The following SLC8A3 variants were observed in gnomAD, a reference collection of about 807,000 sequenced individuals.
SLC8A3 encodes sodium/calcium exchanger 3.
In SLC8A3, 37 loss-of-function variants were observed where a neutral mutation model predicts 65.4. The ratio of observed to expected loss-of-function variants is 0.57; its 90% CI spans 0.44 to 0.74. The LOEUF is 0.74. SLC8A3 is among the 30% of genes least tolerant of loss of function. The probability of loss-of-function intolerance (pLI) is 0.00; values close to 1 mark genes in which losing one functional copy is unlikely to be tolerated. For missense variants in SLC8A3, 1,112 were observed against 1,172.1 expected, an observed-to-expected ratio of 0.95 and a Z score of 0.75; for synonymous variants, 461 against 444.5, an observed-to-expected ratio of 1.04 and a Z score of -0.47.
At position 70,051,062 on chromosome 14, in the gene SLC8A3, C is replaced by A. The variant is rs571520320; in HGVS notation, c.2059G>T (p.Val687Leu). The part of the protein sequence containing the change: ...LIKKTNLALV[V>L]GTHSWRDQFM... ...TGGTCCCTCCAGGAATGGGTCCCCA[C>A]AACCAAGGCCAGGTTTGTCTTCTTG... The change falls in exon 5 of 7, where the codon GTG becomes TTG. Residue 687 changes from valine to leucine, a missense_variant. Coordinates refer to ENST00000356921, the MANE Select transcript of SLC8A3 (RefSeq NM_182932.3). The A allele has an allele frequency of 1.2e-6, 2 of 1,613,810 alleles. No homozygotes were observed. Among genetic ancestry groups the A allele is most frequent in the East Asian group, 2.2e-5 (1 of 44,876 alleles).
intron 2 of SLC8A3, among the ~76,000 whole-genome samples, chr14:70,118,569 A>G (rs1893816560): frequency 6.6e-6 from 1 of 152,232 alleles, no homozygotes; most frequent in Non-Finnish European, 1.5e-5. Flanking sequence ...ATTCATTCCC[A>G]AGAAAGAATG....
chr14:70,088,454 C>T lies in SLC8A3; in HGVS notation c.1785-27515G>A, dbSNP rs1398542160. The stretch of plus-strand genomic sequence containing the variant: ...TGCTACTCTCAGGTAACGGCTCCTT[C>T]CCCATCAGGCTATCAATGCTTCTCC... On this transcript the variant is annotated intron_variant, in intron 2 of 6. Transcript: ENST00000356921. 2.6e-5 allele frequency among the ~76,000 whole-genome samples: 4 copies of T among 152,154 alleles called. No homozygotes were observed. The East Asian group carries it at 5.8e-4, about 22-fold the overall frequency.
chr14:70,076,906 G>A (rs573364271), intron 2 of SLC8A3, among the ~76,000 whole-genome samples: 3 of 152,296 alleles, frequency 2.0e-5, no homozygotes, highest in South Asian at 2.1e-4. Flanking sequence ...TCTGGAGGCA[G>A]TAATTATGTT....
intron 1 of SLC8A3, among the ~76,000 whole-genome samples, chr14:70,186,687 A>G (rs1021835575): frequency 4.6e-5 from 7 of 152,136 alleles, no homozygotes; most frequent in African/African-American, 1.2e-4. Flanking sequence ...GGCATTGTAG[A>G]TTGCAATGAG....
At chr14:70,166,402 C>A (rs1897162495) in intron 2 of SLC8A3, among the ~76,000 whole-genome samples, 1 of 152,162 alleles carries the variant, frequency 6.6e-6, no homozygotes, top group South Asian at 2.1e-4. Flanking sequence ...TGTTTTGTGT[C>A]CTTAGCTCTT....
intron 3 of SLC8A3, among the ~76,000 whole-genome samples, chr14:70,053,948 G>C (rs1031343269): frequency 6.6e-6 from 1 of 152,114 alleles, no homozygotes. Flanking sequence ...TTTCTTGAGA[G>C]AATTATAAGT....
rs55776930 is a variant in SLC8A3 at position 70,126,570 on chromosome 14, T to TCACA, written c.1784+40065_1784+40068dup. On this transcript the variant is annotated intron_variant, in intron 2 of 6. Coordinates refer to ENST00000356921, the MANE Select transcript of SLC8A3 (RefSeq NM_182932.3). ...AATTCTCTCTCTCTCTCTCTCTCTC[T>TCACA]CACACACACACACACACACACACAC... 3.4e-4 allele frequency among the ~76,000 whole-genome samples: 40 copies of TCACA among 117,108 alleles called. 1 individual carries two copies. In the Middle Eastern group the frequency reaches 0.022, roughly 63 times the overall value. The allele number at this position is 117,108 out of a possible 152,430, so 76.8% of individuals were successfully genotyped here. A position where few individuals can be genotyped will look rare whatever the true frequency, so the allele number is the denominator to read the frequency against.
intron 5 of SLC8A3, among the ~76,000 whole-genome samples, chr14:70,049,736 C>T (rs1887256696): frequency 6.6e-6 from 1 of 152,212 alleles, no homozygotes; most frequent in East Asian, 1.9e-4. Context: ...AGCAGGGCTC[C>T]TCTCAAATTT....
rs1886633617 is a variant in SLC8A3 at position 70,045,331 on chromosome 14, G to A, written c.*616C>T. 2 of 152,118 alleles carry A rather than the reference G, an allele frequency of 1.3e-5. No homozygotes were observed. The highest frequency in any genetic ancestry group is 3.2e-3 in the Middle Eastern group (1 of 316). The allele number at this position is 152,118 out of a possible 1,614,324, so 9.4% of individuals were successfully genotyped here. A position where few individuals can be genotyped will look rare whatever the true frequency, so the allele number is the denominator to read the frequency against. On this transcript the variant is annotated 3_prime_UTR_variant, in exon 7 of 7. Coordinates refer to ENST00000356921, the MANE Select transcript of SLC8A3 (RefSeq NM_182932.3). Reference sequence around the variant, plus strand: ...GCCAAGAGGTGGCAGGAGAGCATGTGTCTAAAAATTCATGTTTCTCTCTGT... The same window carrying A: ...GCCAAGAGGTGGCAGGAGAGCATGTATCTAAAAATTCATGTTTCTCTCTGT...
Position 70,048,978 on chromosome 14 carries a change from C to T in SLC8A3, c.2178G>A (p.Met726Ile), listed in dbSNP as rs763540179. 5.6e-6 allele frequency: 9 copies of T among 1,614,172 alleles called. No homozygotes were observed. The highest frequency in any genetic ancestry group is 5.0e-5 in the Admixed American group (3 of 60,036). The change falls in exon 6 of 7, where the codon ATG becomes ATA. Residue 726 changes from methionine (M) to isoleucine (I), a missense_variant. By Grantham distance (10) the Met-to-Ile change is conservative (BLOSUM62 1). Coordinates refer to ENST00000356921, the MANE Select transcript of SLC8A3 (RefSeq NM_182932.3). Reference protein sequence around the residue: ...ERLPSCFDYVMHFLTVFWKVL... With the variant: ...ERLPSCFDYVIHFLTVFWKVL... ...CCTTCCAGAAGACAGTCAGGAAGTG[C>T]ATGACGTAGTCAAAGCAGGAGGGCA...
intron 2 of SLC8A3, among the ~76,000 whole-genome samples, chr14:70,129,598 C>T (rs547937495): frequency 1.3e-5 from 2 of 152,222 alleles, no homozygotes; most frequent in East Asian, 3.9e-4. Flanking sequence ...ACACCAGGTA[C>T]TGTGGAAGAG....
intron 2 of SLC8A3, among the ~76,000 whole-genome samples, chr14:70,069,147 C>T (rs1414564167): frequency 1.3e-5 from 2 of 152,214 alleles, no homozygotes; most frequent in Non-Finnish European, 2.9e-5. Context: ...ACACCTATAG[C>T]TTATTTCTTA....
intron 2 of SLC8A3, among the ~76,000 whole-genome samples, chr14:70,155,480 G>A (rs1363962613): frequency 6.6e-6 from 1 of 152,160 alleles, no homozygotes; most frequent in East Asian, 1.9e-4. Context: ...TGTGGTATTA[G>A]AAGATCAAGG....
chr14:70,176,490 C>A (rs988209515), intron 1 of SLC8A3, among the ~76,000 whole-genome samples: 2 of 152,216 alleles, frequency 1.3e-5, no homozygotes, highest in African/African-American at 4.8e-5. Context: ...AAGATACAGA[C>A]AAGGTTGAAA....
intron 2 of SLC8A3, among the ~76,000 whole-genome samples, chr14:70,138,641 GA>G (rs1895377778): frequency 6.6e-6 from 1 of 152,194 alleles, no homozygotes; most frequent in Non-Finnish European, 1.5e-5. Context: ...CTCCATACTT[GA>G]AGTTATTCCA....
intron 1 of SLC8A3, among the ~76,000 whole-genome samples, chr14:70,184,715 G>T (rs780415914): frequency 1.6e-4 from 25 of 152,154 alleles, no homozygotes; most frequent in Non-Finnish European, 3.4e-4. Context: ...TCACTAGCTG[G>T]TTATCCTTGC....
chr14:70,109,682 C>G (rs1276391766), intron 2 of SLC8A3, among the ~76,000 whole-genome samples: 1 of 152,058 alleles, frequency 6.6e-6, no homozygotes, highest in Non-Finnish European at 1.5e-5. Flanking sequence ...TCGAAAAGTC[C>G]TAACCTGAGG....
At chr14:70,083,765 T>C (rs1212178411) in intron 2 of SLC8A3, among the ~76,000 whole-genome samples, 5 of 152,202 alleles carry the variant, frequency 3.3e-5, no homozygotes, top group African/African-American at 1.2e-4. Flanking sequence ...TTCACATAGA[T>C]GGTAAATGGT....
At chr14:70,064,878 G>T (rs150955) in intron 2 of SLC8A3, among the ~76,000 whole-genome samples, 74,765 of 151,872 alleles carry the variant, frequency 0.49, 18,873 homozygotes, top group African/African-American at 0.62. Context: ...TTTATTTATT[G>T]GAGCTTTAAA....
Sources: gnomAD v4.1 joint callset for allele counts (sites outside exome capture counted in the v4.1 genomes callset) on GRCh38, gnomAD v4.1.1 for gene constraint, MANE v1.5 for transcripts, NCBI Gene and HGNC (gene_info 2026-07-23, HGNC 2026-07-21) for gene names.